ZSCAN29: variants seen among roughly 807,000 people sequenced by gnomAD.
ZSCAN29 encodes zinc finger and SCAN domain containing 29, also known as zinc finger and SCAN domain-containing protein 29.
ZSCAN29 carries 55 observed loss-of-function variants against 71.9 expected under a neutral mutation model. The ratio of observed to expected loss-of-function variants is 0.76; its 90% CI spans 0.62 to 0.96. ZSCAN29 has a LOEUF of 0.96. ZSCAN29 is among the 40% of genes least tolerant of loss of function. The pLI, the probability that ZSCAN29 is intolerant of heterozygous loss-of-function variation, is 0.00. For synonymous variants in ZSCAN29, 351 were observed against 371.6 expected, an observed-to-expected ratio of 0.94 and a Z score of 0.64; for missense variants, 1,042 against 1,042.2, an observed-to-expected ratio of 1.00 and a Z score of 0.00.
At chr15:43,369,487 A>G in intron 2 of ZSCAN29, 109 bp downstream of exon 2, 1 of 1,271,908 alleles carries the variant, frequency 7.9e-7, no homozygotes, top group Non-Finnish European at 1.1e-6. Flanking sequence ...GACCAGAAGT[A>G]TAAGCCTCAC....
At chr15:43,369,458 GAA>G (rs1458697611) in intron 2 of ZSCAN29, 136 bp downstream of exon 2, 3 of 964,148 alleles carry the variant, frequency 3.1e-6, no homozygotes, top group Non-Finnish European at 4.6e-6. Context: ...AGCACTATCT[GAA>G]AAAGTTACCT....
chr15:43,365,686 A>C (rs920659028), intron 4 of ZSCAN29, among the ~76,000 whole-genome samples: 2 of 152,238 alleles, frequency 1.3e-5, no homozygotes, highest in Non-Finnish European at 2.9e-5. Context: ...CGAATATAAT[A>C]AACTGACTTT....
chr15:43,365,154 T>C (rs924528567), intron 4 of ZSCAN29, among the ~76,000 whole-genome samples: 2 of 152,132 alleles, frequency 1.3e-5, no homozygotes. Flanking sequence ...ACTGCAACTT[T>C]AGCGATGTAG....
chr15:43,370,972 C>G lies in ZSCAN29; in HGVS notation c.-527G>C, dbSNP rs1376050444. The G allele has an allele frequency of 7.1e-6, 2 of 279,962 alleles. No homozygotes were observed. Among genetic ancestry groups the G allele is most frequent in the African/African-American group, 8.1e-5 (2 of 24,606 alleles). 17.3% of individuals were successfully genotyped at this position (279,962 alleles called of 1,614,324 possible). On this transcript the variant is annotated 5_prime_UTR_variant, in exon 1 of 6. Coordinates refer to ENST00000684362, the MANE Select transcript of ZSCAN29 (RefSeq NM_001372080.1). ...AGCCTCACCCACTCGGGGTCCGACC[C>G]TGACCCCGGCCCCGGCCCCGGCCCC... is the stretch of plus-strand genomic sequence containing the variant.
At chr15:43,364,891 T>A (rs1595467308) in intron 4 of ZSCAN29, among the ~76,000 whole-genome samples, 5 of 66,308 alleles carry the variant, frequency 7.5e-5, no homozygotes, top group Admixed American at 2.1e-4. Context: ...CGACTCTGTC[T>A]CAAAAAAAAA....
chr15:43,364,605 T>G (rs1341248274), intron 4 of ZSCAN29: 5 of 610,216 alleles, frequency 8.2e-6, no homozygotes, highest in Non-Finnish European at 3.0e-6. Context: ...AAATTCTGTT[T>G]AGCCATATAA....
Position 43,361,681 on chromosome 15 carries a change from A to G in ZSCAN29, c.1951T>C (p.Tyr651His), listed in dbSNP as rs867793790. The change falls in exon 6 of 6, where the codon TAT (tyrosine) becomes CAT (histidine). Residue 651 changes from tyrosine to histidine, a missense_variant. Physicochemically the swap from Tyr to His is moderately conservative, Grantham distance 83. Coordinates refer to ENST00000684362, the MANE Select transcript of ZSCAN29 (RefSeq NM_001372080.1). Reference protein sequence around the residue: ...QQRPCLGERPYKYLKYSKSFG... With the variant: ...QQRPCLGERPHKYLKYSKSFG... The stretch of plus-strand genomic sequence containing the variant: ...CTTTTGCTGTATTTGAGATATTTAT[A>G]GGGTCTCTCTCCCAAGCAAGGTCTC... 1.9e-6 allele frequency: 3 copies of G among 1,614,156 alleles called. No individual in the cohort carries two copies. The African/African-American group carries it at 4.0e-5, about 22-fold the overall frequency.
chr15:43,365,048 A>G (rs1254811629), intron 4 of ZSCAN29, among the ~76,000 whole-genome samples: 1 of 152,158 alleles, frequency 6.6e-6, no homozygotes, highest in Non-Finnish European at 1.5e-5. Context: ...GAAACGAAAA[A>G]GCAGAAGACA....
chr15:43,370,995 C>CCCGGCCCCGGCT lies in ZSCAN29; in HGVS notation c.-562_-551dup, dbSNP rs2044105728. 6.1e-6 allele frequency: 2 copies of CCCGGCCCCGGCT among 330,412 alleles called. No individual in the cohort carries two copies. The highest frequency in any genetic ancestry group is 6.5e-5 in the South Asian group (2 of 30,636). The allele number at this position is 330,412 out of a possible 1,614,324, so 20.5% of individuals were successfully genotyped here. Reference sequence around the variant, plus strand: ...CCCTGACCCCGGCCCCGGCCCCGGCCCCGGCCCCGGCTCTCCAGCCTCCCA... The same window carrying CCCGGCCCCGGCT: ...CCCTGACCCCGGCCCCGGCCCCGGCCCCGGCCCCGGCTCCGGCCCCGGCTCTCCAGCCTCCCA... On this transcript the variant is annotated 5_prime_UTR_variant, in exon 1 of 6. Coordinates refer to ENST00000684362, the MANE Select transcript of ZSCAN29 (RefSeq NM_001372080.1).
chr15:43,365,958 A>G lies in ZSCAN29; in HGVS notation c.1222+152T>C. On this transcript the variant is annotated intron_variant, in intron 4 of 5. Coordinates refer to ENST00000684362, the MANE Select transcript of ZSCAN29 (RefSeq NM_001372080.1). ...CAATTATCTCACTGATTTTCCCATA[A>G]AAGAGAATGAAATACACACAAAGAA... is the stretch of plus-strand genomic sequence containing the variant. The G allele has an allele frequency of 4.3e-6, 3 of 703,176 alleles. No individual in the cohort carries two copies. The Admixed American group carries it at 9.7e-5, about 23-fold the overall frequency. The allele number at this position is 703,176 out of a possible 1,614,324, so 43.6% of individuals were successfully genotyped here. A position where few individuals can be genotyped will look rare whatever the true frequency, so the allele number is the denominator to read the frequency against.
Position 43,370,968 on chromosome 15 carries a change from G to A in ZSCAN29, c.-523C>T. On this transcript the variant is annotated 5_prime_UTR_variant, in exon 1 of 6. Transcript: ENST00000684362. ...GGCCAGCCTCACCCACTCGGGGTCCGACCCTGACCCCGGCCCCGGCCCCGG... is the reference window on the plus strand; with the variant it reads ...GGCCAGCCTCACCCACTCGGGGTCCAACCCTGACCCCGGCCCCGGCCCCGG... 1 of 275,584 alleles carries A rather than the reference G, an allele frequency of 3.6e-6. No homozygotes were observed. Among genetic ancestry groups the A allele is most frequent in the Non-Finnish European group, 6.6e-6 (1 of 151,558 alleles). 17.1% of individuals were successfully genotyped at this position (275,584 alleles called of 1,614,324 possible).
Position 43,369,966 on chromosome 15 carries a change from C to T in ZSCAN29, c.-53G>A, listed in dbSNP as rs1198314624. On this transcript the variant is annotated 5_prime_UTR_variant, in exon 2 of 6. An upstream start codon of the reference 5' UTR is lost. Transcript: ENST00000684362. ...TTAGGAGTCTGGGTTCCAGGGCTTA[C>T]ATCTATCTTCCCATGTCCTTGGAGA... is the stretch of plus-strand genomic sequence containing the variant. 5 of 1,514,024 alleles carry T rather than the reference C, an allele frequency of 3.3e-6. No individual in the cohort carries two copies. The highest frequency in any genetic ancestry group is 2.8e-5 in the African/African-American group (2 of 72,516). 93.8% of individuals were successfully genotyped at this position (1,514,024 alleles called of 1,614,324 possible).
Position 43,364,035 on chromosome 15 carries a change from T to C in ZSCAN29, c.1570A>G (p.Lys524Glu). Residue 524 changes from lysine to glutamate, a missense_variant, in exon 5 of 6, where the codon AAG becomes GAG. Physicochemically the swap from Lys to Glu is moderately conservative, Grantham distance 56. Coordinates refer to ENST00000684362, the MANE Select transcript of ZSCAN29 (RefSeq NM_001372080.1). ...GCCTCGTCTGCTTCCTCAGCTTGCTTCTGAGCTTCAGCCTCACTGGTCCCC... is the reference window on the plus strand; with the variant it reads ...GCCTCGTCTGCTTCCTCAGCTTGCTCCTGAGCTTCAGCCTCACTGGTCCCC... ...VQGTSEAEAQ[K>E]QAEEADEATE... is the part of the protein sequence containing the mutation. The C allele has an allele frequency of 1.2e-6, 2 of 1,614,156 alleles. No homozygotes were observed. Among genetic ancestry groups the C allele is most frequent in the Non-Finnish European group, 1.7e-6 (2 of 1,180,026 alleles).
At chr15:43,364,666 G>A (rs567155658) in intron 4 of ZSCAN29, among the ~76,000 whole-genome samples, 1 of 152,086 alleles carries the variant, frequency 6.6e-6, no homozygotes, top group East Asian at 1.9e-4. Context: ...CCTGTGGATC[G>A]CTTGGGGCCA....
intron 5 of ZSCAN29, among the ~76,000 whole-genome samples, chr15:43,362,867 A>G (rs2043995739): frequency 6.6e-6 from 1 of 152,246 alleles, no homozygotes; most frequent in African/African-American, 2.4e-5. Context: ...TGCTGATCTT[A>G]AAGACTTATG....
chr15:43,369,089 C>T lies in ZSCAN29; in HGVS notation c.357G>A (p.Glu119=), dbSNP rs1190387181. Residue 119 remains glutamate, a synonymous_variant, in exon 3 of 6, where the codon GAG becomes GAA. Transcript: ENST00000684362. ...GTGATGATTTCGGGGGTGTCATCTT[C>T]TCCAAGCGCACTTCCTGCCCCTTCA... ...VSVKGQEVRL[E]KMTPPKSSQE... is the part of the protein sequence containing the mutation. 6.3e-7 allele frequency: 1 copy of T among 1,598,226 alleles called. No homozygotes were observed. Among genetic ancestry groups the T allele is most frequent in the Admixed American group, 1.7e-5 (1 of 58,904 alleles).
chr15:43,360,963 G>A lies in ZSCAN29; in HGVS notation c.*110C>T. On this transcript the variant is annotated 3_prime_UTR_variant, in exon 6 of 6. Coordinates refer to ENST00000684362, the MANE Select transcript of ZSCAN29 (RefSeq NM_001372080.1). ...AACAAACAGTGGCATAAATCCTAAAGTGAATTTCCTAAGCTAACTGGACAC... is the reference window on the plus strand; with the variant it reads ...AACAAACAGTGGCATAAATCCTAAAATGAATTTCCTAAGCTAACTGGACAC... 7.1e-7 allele frequency: 1 copy of A among 1,404,828 alleles called. No individual in the cohort carries two copies. Among genetic ancestry groups the A allele is most frequent in the Non-Finnish European group, 9.6e-7 (1 of 1,044,364 alleles). The allele number at this position is 1,404,828 out of a possible 1,614,324, so 87.0% of individuals were successfully genotyped here.
chr15:43,361,358 T>C lies in ZSCAN29; in HGVS notation c.2274A>G (p.Gly758=), dbSNP rs1052353023. The C allele has an allele frequency of 1.2e-6, 2 of 1,614,186 alleles. No individual in the cohort carries two copies. ...SLIIHQRTHT[G]EKPYQCEECG... is the part of the protein sequence containing the mutation. Reference sequence around the variant, plus strand: ...ACTCTTCACATTGATAGGGCTTTTCTCCTGTGTGGGTTCTCTGGTGAATGA... The same window carrying C: ...ACTCTTCACATTGATAGGGCTTTTCCCCTGTGTGGGTTCTCTGGTGAATGA... Residue 758 remains glycine (G), a synonymous_variant, in exon 6 of 6, where the codon GGA becomes GGG. Transcript: ENST00000684362.
rs1458745944 is a variant in ZSCAN29 at position 43,364,003 on chromosome 15, C to G, written c.1602G>C (p.Glu534Asp). ...KQAEEADEAT[E>D]EDSDDDEEDT... is the part of the protein sequence containing the mutation. ...CCTCTTCATCATCATCAGAATCTTCCTCTGTGGCCTCGTCTGCTTCCTCAG... is the reference window on the plus strand; with the variant it reads ...CCTCTTCATCATCATCAGAATCTTCGTCTGTGGCCTCGTCTGCTTCCTCAG... The change falls in exon 5 of 6, where the codon GAG (glutamate) becomes GAC (aspartate). Residue 534 changes from glutamate to aspartate, a missense_variant. Physicochemically the swap from Glu to Asp is conservative, Grantham distance 45. Transcript: ENST00000684362. The G allele has an allele frequency of 2.5e-6, 4 of 1,614,064 alleles. No individual in the cohort carries two copies. The highest frequency in any genetic ancestry group is 4.5e-5 in the East Asian group (2 of 44,902).
Sources: allele counts gnomAD v4.1 joint callset (sites outside exome capture counted in the v4.1 genomes callset), GRCh38; gene constraint gnomAD v4.1.1; transcripts MANE v1.5; gene names NCBI Gene and HGNC (gene_info 2026-07-23, HGNC 2026-07-21).